The following COMT variants were observed in gnomAD, a reference collection of about 807,000 sequenced individuals.
COMT encodes the protein catechol O-methyltransferase.
Under a neutral mutation model 18.9 loss-of-function variants are expected in COMT, and 13 were observed. That is an observed-to-expected ratio of 0.69 (90% CI 0.45 to 1.09). The LOEUF is 1.09. COMT is among the 50% of genes least tolerant of loss of function. The pLI, the probability that COMT is intolerant of heterozygous loss-of-function variation, is 0.00. For missense variants in COMT, 329 were observed against 361.8 expected (o/e 0.91, Z 0.73); for synonymous variants, 150 against 160.9 (o/e 0.93, Z 0.51).
chr22:19,960,421 G>A (rs187763550), intron 1 of COMT, among the ~76,000 whole-genome samples: 4 of 152,328 alleles, frequency 2.6e-5, no homozygotes, highest in Admixed American at 2.0e-4. Flanking sequence ...AGTTCTGGCT[G>A]CTTCAGGTCT....
chr22:19,950,574 G>A (rs892046429), intron 1 of COMT, among the ~76,000 whole-genome samples: 6 of 151,854 alleles, frequency 4.0e-5, no homozygotes, highest in Non-Finnish European at 5.9e-5. Context: ...GAGGCACTGC[G>A]AGCCCCTGAT....
At chr22:19,948,155 A>C (rs553427964) in intron 1 of COMT, among the ~76,000 whole-genome samples, 13 of 152,236 alleles carry the variant, frequency 8.5e-5, no homozygotes, top group Non-Finnish European at 1.5e-4. Context: ...TAATGTAACT[A>C]TTCTTATTTT....
intron 1 of COMT, among the ~76,000 whole-genome samples, chr22:19,946,854 C>T (rs1006426054): frequency 2.0e-5 from 3 of 151,160 alleles, no homozygotes; most frequent in Admixed American, 1.3e-4. Context: ...TTAACATTTA[C>T]CAATATGCAT....
At chr22:19,947,559 C>T (rs933428436) in intron 1 of COMT, among the ~76,000 whole-genome samples, 16 of 151,890 alleles carry the variant, frequency 1.1e-4, no homozygotes, top group African/African-American at 3.4e-4. Flanking sequence ...AGGCGGACAG[C>T]GAGAGGAGAC....
Position 19,968,862 on chromosome 22 carries a change from C to T in COMT, c.*126C>T. 4.7e-6 allele frequency: 4 copies of T among 855,848 alleles called. No homozygotes were observed. The highest frequency in any genetic ancestry group is 7.5e-6 in the Non-Finnish European group (4 of 532,054). 53.0% of individuals were successfully genotyped at this position (855,848 alleles called of 1,614,324 possible). A position where few individuals can be genotyped will look rare whatever the true frequency, so the allele number is the denominator to read the frequency against. On this transcript the variant is annotated 3_prime_UTR_variant, in exon 6 of 6. Coordinates refer to ENST00000361682, the MANE Select transcript of COMT (RefSeq NM_000754.4). ...AATGCAAAGCACACCTCGGCCGAGG[C>T]CTGCGCCCTGACATGCTAACCTCTC...
chr22:19,945,912 G>A (rs1354730608), intron 1 of COMT, among the ~76,000 whole-genome samples: 3 of 152,164 alleles, frequency 2.0e-5, no homozygotes, highest in South Asian at 2.1e-4. Context: ...TGATCCACCC[G>A]CCTCGGCCTC....
intron 5 of COMT, chr22:19,967,130 C>T: frequency 7.7e-7 from 1 of 1,291,904 alleles, no homozygotes; most frequent in Non-Finnish European, 1.0e-6. Context: ...TCCTTTCTGC[C>T]CTTCCCTCCT....
rs750361935 is a variant in COMT, at chr22:19,968,745, C to CA, written c.*9_*10insA. 2 of 1,608,706 alleles carry CA rather than the reference C, an allele frequency of 1.2e-6. No individual in the cohort carries two copies. Among genetic ancestry groups the CA allele is most frequent in the Non-Finnish European group, 1.7e-6 (2 of 1,179,460 alleles). Reference sequence around the variant, plus strand: ...GCGAAGCAGGGCCCTGACTGCCCCCCCGGCCCCCCTCTCGGGCTCTCTCAC... The same window carrying CA: ...GCGAAGCAGGGCCCTGACTGCCCCCCACGGCCCCCCTCTCGGGCTCTCTCAC... On this transcript the variant is annotated 3_prime_UTR_variant, in exon 6 of 6. Transcript: ENST00000361682.
intron 2 of COMT, chr22:19,962,132 A>G (rs1942205854): frequency 6.4e-6 from 2 of 311,498 alleles, no homozygotes; most frequent in South Asian, 3.3e-5. Context: ...ACTACCCCCA[A>G]CTCCGGGCCA....
At chr22:19,964,005 T>G in intron 4 of COMT, 163 bp from the exon 5 acceptor site, 1 of 1,428,286 alleles carries the variant, frequency 7.0e-7, no homozygotes, top group Non-Finnish European at 9.7e-7. Context: ...GAGTGGGGCC[T>G]TGTCATCCCA....
At chr22:19,942,495 G>A (rs949754110) in intron 1 of COMT, among the ~76,000 whole-genome samples, 1 of 152,188 alleles carries the variant, frequency 6.6e-6, no homozygotes, top group Non-Finnish European at 1.5e-5. Flanking sequence ...AGGGTCGGGG[G>A]GATGTGTGGT....
chr22:19,963,878 C>G, intron 4 of COMT, 119 bp downstream of exon 4: 1 of 1,324,432 alleles, frequency 7.6e-7, no homozygotes, highest in Non-Finnish European at 1.0e-6. Context: ...AACCCACTAT[C>G]ACCAGGCCCC....
chr22:19,960,459 CCT>C (rs1055887665), intron 1 of COMT, among the ~76,000 whole-genome samples: 2 of 152,212 alleles, frequency 1.3e-5, no homozygotes, highest in African/African-American at 2.4e-5. Flanking sequence ...CATGGTTCCC[CCT>C]GTCATCTTCC....
chr22:19,962,420 C>A (rs1328347238), intron 2 of COMT, 107 bp from the exon 3 acceptor site: 8 of 1,508,874 alleles, frequency 5.3e-6, no homozygotes, highest in Non-Finnish European at 7.1e-6. Context: ...CTGAACCTTG[C>A]CCCTCTGCAA....
chr22:19,954,111 C>T (rs1391305860), intron 1 of COMT, among the ~76,000 whole-genome samples: 2 of 151,656 alleles, frequency 1.3e-5, no homozygotes, highest in African/African-American at 4.9e-5. Context: ...GCATCTGCCT[C>T]TTGGTGTGTC....
intron 2 of COMT, chr22:19,962,249 C>T (rs1433055418): frequency 1.8e-6 from 1 of 546,044 alleles, no homozygotes; most frequent in African/African-American, 1.9e-5. Context: ...CCTGGGCTGC[C>T]TGGGGAAGCA....
chr22:19,947,492 T>C (rs1229609938), intron 1 of COMT, among the ~76,000 whole-genome samples: 1 of 151,770 alleles, frequency 6.6e-6, no homozygotes, highest in East Asian at 1.9e-4. Flanking sequence ...CAGTGACAGG[T>C]AAGGTCACAT....
intron 5 of COMT, among the ~76,000 whole-genome samples, chr22:19,966,796 G>A (rs1942423591): frequency 6.6e-6 from 1 of 152,166 alleles, no homozygotes; most frequent in South Asian, 2.1e-4. Flanking sequence ...CCAGGCTGGA[G>A]TGCAGTGGCG....
At chr22:19,963,984 G>A (rs1299406304) in intron 4 of COMT, 184 bp from the exon 5 acceptor site, 24 of 1,284,258 alleles carry the variant, frequency 1.9e-5, no homozygotes, top group Non-Finnish European at 2.5e-5. Context: ...GCACCAGGAG[G>A]GGCAGGGACA....
Sources: allele counts gnomAD v4.1 joint callset (sites outside exome capture counted in the v4.1 genomes callset), GRCh38; gene constraint gnomAD v4.1.1; transcripts MANE v1.5; gene names NCBI Gene and HGNC (gene_info 2026-07-23, HGNC 2026-07-21).